CFAP47: variants seen among roughly 807,000 people sequenced by gnomAD.
The protein encoded by CFAP47 is cilia and flagella associated protein 47, also known as cilia- and flagella-associated protein 47.
CFAP47 carries 29 observed loss-of-function variants against 148.1 expected under a neutral mutation model. The observed-to-expected ratio is 0.20, with a 90% CI of 0.15 to 0.27. The LOEUF is 0.27. Among genes scored for constraint, CFAP47 ranks in the 10% least tolerant of loss-of-function variants. The probability of loss-of-function intolerance (pLI) is 1.00; values close to 1 mark genes in which losing one functional copy is unlikely to be tolerated. For missense variants in CFAP47, 1,872 were observed against 1,697.5 expected (o/e 1.10, Z -1.81); for synonymous variants, 664 against 577.3 (o/e 1.15, Z -2.15).
intron 2 of CFAP47, among the ~76,000 whole-genome samples, chrX:35,926,650 A>G (rs1321836289): frequency 1.8e-5 from 2 of 109,974 alleles, no homozygotes; most frequent in Non-Finnish European, 3.8e-5. Context: ...TTCATCATAA[A>G]TTTATCAAAG....
Position 35,948,295 on chromosome X carries a change from C to T in CFAP47, c.518-19C>T. 1 of 1,184,901 alleles carries T rather than the reference C, an allele frequency of 8.4e-7. No individual in the cohort carries two copies. The highest frequency in any genetic ancestry group is 1.1e-6 in the Non-Finnish European group (1 of 876,156). ...TTGTAAGGGTCCAGATGTAAATCAACTGCTCTTATTCCCTATAGGCATATT... is the reference window on the plus strand; with the variant it reads ...TTGTAAGGGTCCAGATGTAAATCAATTGCTCTTATTCCCTATAGGCATATT... On this transcript the variant is annotated intron_variant, in intron 3 of 63. Coordinates refer to ENST00000378653, the MANE Select transcript of CFAP47 (RefSeq NM_001304548.2).
At chrX:36,042,222 A>T (rs1410425665) in intron 25 of CFAP47, among the ~76,000 whole-genome samples, 1 of 111,742 alleles carries the variant, frequency 8.9e-6, no homozygotes, top group Non-Finnish European at 1.9e-5. Context: ...TACATGAATT[A>T]CCTTTTAACA....
At position 36,248,904 on chromosome X, in the gene CFAP47, C is replaced by T. The variant is rs781822054; in HGVS notation, c.7333-2429C>T. Among the ~76,000 whole-genome samples, 25 of 109,727 alleles carry T rather than the reference C, an allele frequency of 2.3e-4. No individual in the cohort carries two copies. The South Asian group carries it at 8.7e-3, about 38-fold the overall frequency. ...TAAATTTGGGAAATCCTTGAATATG[C>T]GGAATTTAAAACAACATACTCCTAA... On this transcript the variant is annotated intron_variant, in intron 48 of 63. Transcript: ENST00000378653.
intron 57 of CFAP47, among the ~76,000 whole-genome samples, chrX:36,336,951 G>A (rs1556014939): frequency 8.9e-6 from 1 of 111,876 alleles, no homozygotes; most frequent in Non-Finnish European, 1.9e-5. Flanking sequence ...TACATTGGCA[G>A]CTAAGCATGG....
chrX:35,927,307 AAAAC>A (rs1326707205), intron 2 of CFAP47, among the ~76,000 whole-genome samples: 8 of 111,645 alleles, frequency 7.2e-5, no homozygotes, highest in African/African-American at 2.0e-4. Context: ...TGGTAGGAAA[AAAAC>A]AAGCTATTAA....
chrX:35,952,987 C>T (rs945374367), intron 6 of CFAP47, among the ~76,000 whole-genome samples: 1 of 111,949 alleles, frequency 8.9e-6, no homozygotes, highest in Non-Finnish European at 1.9e-5. Flanking sequence ...AGAGAGCTGA[C>T]CTCTAGGTAA....
At chrX:36,289,627 A>G (rs1556005264) in intron 51 of CFAP47, among the ~76,000 whole-genome samples, 1 of 111,679 alleles carries the variant, frequency 9.0e-6, no homozygotes, top group African/African-American at 3.3e-5. Flanking sequence ...ATCTGCCTAT[A>G]CTCTATTTTT....
intron 30 of CFAP47, among the ~76,000 whole-genome samples, chrX:36,097,190 A>T (rs1419128124): frequency 8.9e-6 from 1 of 111,833 alleles, no homozygotes; most frequent in East Asian, 2.8e-4. Flanking sequence ...TTCTATTTAT[A>T]TCATATTGTA....
intron 38 of CFAP47, 27 bp from the exon 39 acceptor site, chrX:36,160,654 T>C (rs1939418868): frequency 6.9e-6 from 2 of 289,803 alleles, no homozygotes; most frequent in Admixed American, 6.3e-5. Flanking sequence ...TATTATCATG[T>C]GGTAAGACTT....
chrX:36,230,778 A>C (rs1463441262), intron 46 of CFAP47, among the ~76,000 whole-genome samples: 1 of 106,596 alleles, frequency 9.4e-6, no homozygotes, highest in Non-Finnish European at 1.9e-5. Flanking sequence ...ATCTTGAATT[A>C]ATTTTTGTAT....
intron 26 of CFAP47, among the ~76,000 whole-genome samples, chrX:36,065,137 G>A (rs980485293): frequency 8.9e-6 from 1 of 111,774 alleles, no homozygotes; most frequent in African/African-American, 3.2e-5. Context: ...AATAATGACT[G>A]TATTTAAATA....
chrX:35,970,923 G>A lies in CFAP47; in HGVS notation c.1970G>A (p.Arg657Lys). The A allele has an allele frequency of 8.4e-7, 1 of 1,188,146 alleles. No individual in the cohort carries two copies. The highest frequency in any genetic ancestry group is 1.1e-6 in the Non-Finnish European group (1 of 885,652). Residue 657 changes from arginine to lysine, a missense_variant and splice_region_variant, in exon 11 of 64, where the codon AGG (arginine) becomes AAG (lysine). Arg to Lys is a conservative substitution (Grantham distance 26, BLOSUM62 2). Transcript: ENST00000378653. Reference protein sequence around the residue: ...SVRLQKKQAERERMYSYDDTD... With the variant: ...SVRLQKKQAEKERMYSYDDTD... ...CGCTTGCAGAAGAAACAAGCAGAGA[G>A]GTAATGTTCAGTTCCTCAAAAAATA...
chrX:36,174,211 G>A (rs1474547214), intron 39 of CFAP47, among the ~76,000 whole-genome samples: 1 of 109,083 alleles, frequency 9.2e-6, no homozygotes, highest in Admixed American at 9.8e-5. Context: ...TGTGAGATGG[G>A]TTTCCTGAAT....
intron 37 of CFAP47, among the ~76,000 whole-genome samples, chrX:36,152,979 C>T (rs1485273374): frequency 9.0e-6 from 1 of 110,802 alleles, no homozygotes; most frequent in African/African-American, 3.3e-5. Flanking sequence ...CAATAGCCCC[C>T]CAAAATCTTA....
At chrX:36,047,929 T>C (rs1937486245) in intron 26 of CFAP47, among the ~76,000 whole-genome samples, 1 of 112,210 alleles carries the variant, frequency 8.9e-6, no homozygotes, top group Non-Finnish European at 1.9e-5. Context: ...TTGCAAATCA[T>C]AGATGAGCAA....
chrX:36,034,551 A>G (rs1205173926), intron 23 of CFAP47, among the ~76,000 whole-genome samples: 1 of 111,555 alleles, frequency 9.0e-6, no homozygotes, highest in Admixed American at 9.6e-5. Context: ...TTTATTACAT[A>G]ATATGTTAGC....
intron 57 of CFAP47, among the ~76,000 whole-genome samples, chrX:36,345,741 T>C (rs1291141219): frequency 8.9e-6 from 1 of 112,051 alleles, no homozygotes; most frequent in African/African-American, 3.2e-5. Context: ...ATTAAATAAA[T>C]TGTTGTATAA....
chrX:36,030,702 T>TAC (rs1937270167), intron 22 of CFAP47, among the ~76,000 whole-genome samples: 1 of 110,876 alleles, frequency 9.0e-6, no homozygotes, highest in African/African-American at 3.3e-5. Flanking sequence ...GTCTTAGAGG[T>TAC]AAGTTTCAAG....
chrX:36,022,399 T>G (rs1032193181), intron 22 of CFAP47, among the ~76,000 whole-genome samples: 4 of 111,895 alleles, frequency 3.6e-5, no homozygotes, highest in Non-Finnish European at 7.5e-5. Context: ...TGTCTGCTTT[T>G]AGGATTCTTT....
Sources: allele counts gnomAD v4.1 joint callset (sites outside exome capture counted in the v4.1 genomes callset), GRCh38; gene constraint gnomAD v4.1.1; transcripts MANE v1.5; gene names NCBI Gene and HGNC (gene_info 2026-07-23, HGNC 2026-07-21).